PRDX5: variants seen among roughly 807,000 people sequenced by gnomAD.
PRDX5 encodes peroxiredoxin-5, mitochondrial.
Under a neutral mutation model 23.8 loss-of-function variants are expected in PRDX5, and 21 were observed. The ratio of observed to expected loss-of-function variants is 0.88; its 90% CI spans 0.63 to 1.27. The LOEUF (loss-of-function observed/expected upper bound fraction) is 1.27, where lower values mean the gene tolerates loss of function less well. PRDX5 is among the 50% of genes most tolerant of loss of function. The pLI, the probability that PRDX5 is intolerant of heterozygous loss-of-function variation, is 0.00. For synonymous variants in PRDX5, 111 were observed against 113.3 expected, an observed-to-expected ratio of 0.98 and a Z score of 0.13; for missense variants, 261 against 270.6, an observed-to-expected ratio of 0.96 and a Z score of 0.25.
rs143757340 is a variant in PRDX5 at position 64,320,921 on chromosome 11, C to T, written c.477+18C>T. 1.2e-5 allele frequency: 20 copies of T among 1,614,182 alleles called. No homozygotes were observed. Among genetic ancestry groups the T allele is most frequent in the Middle Eastern group, 1.6e-4 (1 of 6,062 alleles). On this transcript the variant is annotated intron_variant, in intron 4 of 5. Coordinates refer to ENST00000265462, the MANE Select transcript of PRDX5 (RefSeq NM_012094.5). The stretch of plus-strand genomic sequence containing the variant: ...TTGGGAAGGTGAGTGTTCCCCTGAC[C>T]GCCACAGGGACATGGCAGTGCGGGG...
Position 64,318,313 on chromosome 11 carries a change from A to C in PRDX5, c.98A>C (p.Tyr33Ser), listed in dbSNP as rs7938623. Reference sequence around the variant, plus strand: ...TCTGCGGCAGCGGCAGCAAGACGGTACAGTGAAGGAGAGTGGGCGTCTGGC... The same window carrying C: ...TCTGCGGCAGCGGCAGCAAGACGGTCCAGTGAAGGAGAGTGGGCGTCTGGC... The part of the protein sequence containing the change: ...GQSAAAAARR[Y>S]SEGEWASGGV... The change falls in exon 1 of 6, where the codon TAC (tyrosine) becomes TCC (serine). Residue 33 changes from tyrosine (Y) to serine (S), a missense_variant. Physicochemically the swap from Tyr to Ser is moderately radical, Grantham distance 144. Coordinates refer to ENST00000265462, the MANE Select transcript of PRDX5 (RefSeq NM_012094.5). The C allele has an allele frequency of 6.2e-7, 1 of 1,612,502 alleles. No homozygotes were observed. Among genetic ancestry groups the C allele is most frequent in the Non-Finnish European group, 8.5e-7 (1 of 1,179,868 alleles).
intron 5 of PRDX5, 85 bp downstream of exon 5, chr11:64,321,153 C>T: frequency 5.5e-6 from 8 of 1,466,222 alleles, no homozygotes; most frequent in Non-Finnish European, 7.6e-6. Context: ...AGAGGGTCCT[C>T]TGTGGGAAGA....
chr11:64,318,206 T>A lies in PRDX5; in HGVS notation c.-10T>A. The A allele has an allele frequency of 1.9e-6, 3 of 1,610,976 alleles. No individual in the cohort carries two copies. Among genetic ancestry groups the A allele is most frequent in the Non-Finnish European group, 2.5e-6 (3 of 1,179,542 alleles). ...CCAGGAGGCGGAGTGGAAGTGGCCG[T>A]GGGGCGGGTATGGGACTAGCTGGCG... On this transcript the variant is annotated 5_prime_UTR_variant, in exon 1 of 6. Coordinates refer to ENST00000265462, the MANE Select transcript of PRDX5 (RefSeq NM_012094.5).
chr11:64,321,137 C>T, intron 5 of PRDX5, 69 bp downstream of exon 5: 2 of 1,442,220 alleles, frequency 1.4e-6, no homozygotes, highest in South Asian at 1.6e-5. Context: ...AGAGAGTCCT[C>T]TGTGGAGAGG....
Position 64,318,141 on chromosome 11 carries a change from T to C in PRDX5, c.-75T>C, listed in dbSNP as rs1265807274. The C allele has an allele frequency of 6.3e-7, 1 of 1,585,880 alleles. No individual in the cohort carries two copies. Among genetic ancestry groups the C allele is most frequent in the African/African-American group, 1.4e-5 (1 of 73,906 alleles). On this transcript the variant is annotated 5_prime_UTR_variant, in exon 1 of 6. Coordinates refer to ENST00000265462, the MANE Select transcript of PRDX5 (RefSeq NM_012094.5). ...CCCGCCTTCCGCAGGGTGTCGCCGC[T>C]GTGCCGCTAGCGGTGCCCCGCCTGC...
At chr11:64,321,504 C>T (rs2035499684) in intron 5 of PRDX5, 82 bp from the exon 6 acceptor site, 5 of 1,561,028 alleles carry the variant, frequency 3.2e-6, no homozygotes, top group Admixed American at 1.8e-5. Context: ...TTCTCTTGGG[C>T]CCCTGGCTGT....
chr11:64,318,487 C>G (rs1281871430), intron 1 of PRDX5, 101 bp downstream of exon 1: 4 of 1,422,616 alleles, frequency 2.8e-6, no homozygotes, highest in Non-Finnish European at 3.8e-6. Flanking sequence ...CCTGCCAGAC[C>G]CCTCCCCTCC....
chr11:64,320,909 T>C lies in PRDX5; in HGVS notation c.477+6T>C. 1 of 1,614,162 alleles carries C rather than the reference T, an allele frequency of 6.2e-7. No individual in the cohort carries two copies. Among genetic ancestry groups the C allele is most frequent in the Non-Finnish European group, 8.5e-7 (1 of 1,180,022 alleles). On this transcript the variant is annotated splice_donor_region_variant and intron_variant, in intron 4 of 5. Transcript: ENST00000265462. ...CCACTGGGGCCTTTGGGAAGGTGAG[T>C]GTTCCCCTGACCGCCACAGGGACAT...
rs1246026805 is a variant in PRDX5, at chr11:64,318,243, A to G, written c.28A>G (p.Arg10Gly). 1.9e-6 allele frequency: 3 copies of G among 1,611,852 alleles called. No individual in the cohort carries two copies. The highest frequency in any genetic ancestry group is 2.2e-4 in the Middle Eastern group (1 of 4,578). ...GGGACTAGCTGGCGTGTGCGCCCTGAGACGCTCAGCGGGCTATATACTCGT... is the reference window on the plus strand; with the variant it reads ...GGGACTAGCTGGCGTGTGCGCCCTGGGACGCTCAGCGGGCTATATACTCGT... MGLAGVCALRRSAGYILVGG... is the reference protein window; with the variant it reads MGLAGVCALGRSAGYILVGG... The change falls in exon 1 of 6, where the codon AGA (arginine) becomes GGA (glycine). Residue 10 changes from arginine (R) to glycine (G), a missense_variant. Arg to Gly is a moderately radical substitution (Grantham distance 125). Coordinates refer to ENST00000265462, the MANE Select transcript of PRDX5 (RefSeq NM_012094.5).
In PRDX5 at chr11:64,321,665, G is replaced by A; in HGVS notation, c.619G>A (p.Ala207Thr). The A allele has an allele frequency of 6.3e-7, 1 of 1,597,954 alleles. No homozygotes were observed. The highest frequency in any genetic ancestry group is 1.1e-5 in the South Asian group (1 of 89,230). Residue 207 changes from alanine (A) to threonine (T), a missense_variant, in exon 6 of 6, where the codon GCA becomes ACA. Physicochemically the swap from Ala to Thr is moderately conservative, Grantham distance 58 (BLOSUM62 0). Transcript: ENST00000265462. ...TGGCACAGGCCTCACCTGCAGCCTG[G>A]CACCCAATATCATCTCACAGCTCTG... ...PDGTGLTCSL[A>T]PNIISQL
chr11:64,318,402 G>A lies in PRDX5; in HGVS notation c.171+16G>A, dbSNP rs1369417369. 1.9e-6 allele frequency: 3 copies of A among 1,594,336 alleles called. No individual in the cohort carries two copies. Among genetic ancestry groups the A allele is most frequent in the Non-Finnish European group, 1.7e-6 (2 of 1,172,308 alleles). On this transcript the variant is annotated intron_variant, in intron 1 of 5. Transcript: ENST00000265462. ...CCCAATCAAGGTGACCGCTGGCCCG[G>A]CCGGGCCTGACATCCCCCACTACCC... is the stretch of plus-strand genomic sequence containing the variant.
Position 64,318,138 on chromosome 11 carries a change from C to A in PRDX5, c.-78C>A, listed in dbSNP as rs1016607893. 2 of 1,580,240 alleles carry A rather than the reference C, an allele frequency of 1.3e-6. No homozygotes were observed. The highest frequency in any genetic ancestry group is 2.3e-5 in the East Asian group (1 of 43,432). ...AGGCCCGCCTTCCGCAGGGTGTCGC[C>A]GCTGTGCCGCTAGCGGTGCCCCGCC... On this transcript the variant is annotated 5_prime_UTR_variant, in exon 1 of 6. Coordinates refer to ENST00000265462, the MANE Select transcript of PRDX5 (RefSeq NM_012094.5).
chr11:64,319,611 A>T, intron 1 of PRDX5, 123 bp from the exon 2 acceptor site: 9 of 1,266,272 alleles, frequency 7.1e-6, no homozygotes, highest in Non-Finnish European at 9.9e-6. Context: ...ACAGGGCTGG[A>T]GTATCCTGCT....
rs770524201 is a variant in PRDX5 at position 64,321,581 on chromosome 11, G to A, written c.540-5G>A. The A allele has an allele frequency of 1.4e-5, 22 of 1,612,020 alleles. No individual in the cohort carries two copies. The highest frequency in any genetic ancestry group is 1.3e-4 in the East Asian group (6 of 44,836). On this transcript the variant is annotated splice_region_variant and splice_polypyrimidine_tract_variant and intron_variant, in intron 5 of 5. Transcript: ENST00000265462. ...TGCAGCTGGCTGGGCCCCTCTTTCC[G>A]GCAGGTTCTCCATGGTGGTACAGGA...
In PRDX5 at chr11:64,318,197, A is replaced by G. The variant is rs753082757; in HGVS notation, c.-19A>G. The stretch of plus-strand genomic sequence containing the variant: ...TGGCACCAGCCAGGAGGCGGAGTGG[A>G]AGTGGCCGTGGGGCGGGTATGGGAC... On this transcript the variant is annotated 5_prime_UTR_variant, in exon 1 of 6. Coordinates refer to ENST00000265462, the MANE Select transcript of PRDX5 (RefSeq NM_012094.5). 1.2e-6 allele frequency: 2 copies of G among 1,610,694 alleles called. No individual in the cohort carries two copies. Among genetic ancestry groups the G allele is most frequent in the South Asian group, 2.2e-5 (2 of 90,940 alleles).
Position 64,321,174 on chromosome 11 carries a change from G to T in PRDX5, c.539+106G>T. Reference sequence around the variant, plus strand: ...TCCTCTGTGGGAAGAGTCGTCTGTGGGGGAGAGTCCTCTGTGTGGGAGAGT... The same window carrying T: ...TCCTCTGTGGGAAGAGTCGTCTGTGTGGGAGAGTCCTCTGTGTGGGAGAGT... On this transcript the variant is annotated intron_variant, in intron 5 of 5. Transcript: ENST00000265462. 6 of 1,329,656 alleles carry T rather than the reference G, an allele frequency of 4.5e-6. No homozygotes were observed. In the Admixed American group the frequency reaches 6.9e-5, roughly 15 times the overall value. 82.4% of individuals were successfully genotyped at this position (1,329,656 alleles called of 1,614,324 possible). A position where few individuals can be genotyped will look rare whatever the true frequency, so the allele number is the denominator to read the frequency against.
rs778238526 is a variant in PRDX5 at position 64,319,762 on chromosome 11, T to A, written c.200T>A (p.Val67Glu). The change falls in exon 2 of 6, where the codon GTG (valine) becomes GAG (glutamate). Residue 67 changes from valine to glutamate, a missense_variant. Val to Glu is a moderately radical substitution (Grantham distance 121). Coordinates refer to ENST00000265462, the MANE Select transcript of PRDX5 (RefSeq NM_012094.5). ...GGAGATGCCATCCCAGCAGTGGAGG[T>A]GTTTGAAGGGGAGCCAGGGAACAAG... is the stretch of plus-strand genomic sequence containing the variant. ...KVGDAIPAVE[V>E]FEGEPGNKVN... 1.9e-6 allele frequency: 3 copies of A among 1,613,438 alleles called. No homozygotes were observed. Among genetic ancestry groups the A allele is most frequent in the Non-Finnish European group, 2.5e-6 (3 of 1,179,792 alleles).
chr11:64,320,540 C>T (rs1262196852), intron 2 of PRDX5, 121 bp from the exon 3 acceptor site: 3 of 1,400,952 alleles, frequency 2.1e-6, no homozygotes, highest in South Asian at 2.9e-5. Context: ...ATGGTTTAGA[C>T]AGCTCTCATT....
intron 5 of PRDX5, 151 bp downstream of exon 5, chr11:64,321,219 GTGTGGGGAGAGTCCTC>G: frequency 1.1e-6 from 1 of 937,366 alleles, no homozygotes; most frequent in South Asian, 1.5e-5. Context: ...GGAGAGTCCT[GTGTGGGGAGAGTCCTC>G]TGTGGAGAGA....
Sources: gnomAD v4.1 joint callset for allele counts on GRCh38, gnomAD v4.1.1 for gene constraint, MANE v1.5 for transcripts, NCBI Gene and HGNC (gene_info 2026-07-23, HGNC 2026-07-21) for gene names.